MAML2: variants seen among roughly 807,000 people sequenced by gnomAD.
The protein encoded by MAML2 is mastermind-like protein 2.
MAML2 carries 22 observed loss-of-function variants against 96.1 expected under a neutral mutation model. That is an observed-to-expected ratio of 0.23 (90% CI 0.16 to 0.33). The LOEUF (loss-of-function observed/expected upper bound fraction) is 0.33, where lower values mean the gene tolerates loss of function less well. Ranked by LOEUF, MAML2 falls within the 10% of genes least tolerant of loss-of-function variation. The probability of loss-of-function intolerance (pLI) is 1.00; values close to 1 mark genes in which losing one functional copy is unlikely to be tolerated. For missense variants in MAML2, 1,367 were observed against 1,392.4 expected (o/e 0.98, Z 0.29); for synonymous variants, 561 against 521.3 (o/e 1.08, Z -1.04).
chr11:96,023,368 T>C (rs1479900824), intron 2 of MAML2, among the ~76,000 whole-genome samples: 1 of 152,172 alleles, frequency 6.6e-6, no homozygotes. Context: ...CTTTTTCTTA[T>C]ATTAATTCCC....
At chr11:96,329,536 A>G (rs1302060583) in intron 1 of MAML2, among the ~76,000 whole-genome samples, 1 of 152,240 alleles carries the variant, frequency 6.6e-6, no homozygotes, top group Non-Finnish European at 1.5e-5. Flanking sequence ...GTGTCATACC[A>G]AAAGAGGCCT....
chr11:96,025,225 A>G (rs1858497745), intron 2 of MAML2, among the ~76,000 whole-genome samples: 1 of 152,248 alleles, frequency 6.6e-6, no homozygotes, highest in East Asian at 1.9e-4. Context: ...GCCATAAAAA[A>G]GAAAAAAATC....
chr11:96,217,095 G>A (rs1422131515), intron 1 of MAML2, among the ~76,000 whole-genome samples: 5 of 152,172 alleles, frequency 3.3e-5, no homozygotes, highest in Non-Finnish European at 2.9e-5. Context: ...ATGCATAAGC[G>A]CATCCAACAT....
intron 1 of MAML2, among the ~76,000 whole-genome samples, chr11:96,107,152 T>A (rs565389589): frequency 6.6e-6 from 1 of 152,178 alleles, no homozygotes; most frequent in East Asian, 1.9e-4. Context: ...TAACTGTTAT[T>A]ATGTCTTTTG....
chr11:96,033,533 A>G (rs563832962), intron 2 of MAML2, among the ~76,000 whole-genome samples: 2 of 152,338 alleles, frequency 1.3e-5, no homozygotes, highest in African/African-American at 4.8e-5. Flanking sequence ...GGGATTGTGC[A>G]TACCTAATCT....
intron 1 of MAML2, among the ~76,000 whole-genome samples, chr11:96,243,552 A>C (rs889900295): frequency 6.6e-6 from 1 of 152,228 alleles, no homozygotes; most frequent in Non-Finnish European, 1.5e-5. Flanking sequence ...GCCTTTTCTC[A>C]TCAGGCTTAG....
chr11:96,160,251 C>G (rs1216625137), intron 1 of MAML2, among the ~76,000 whole-genome samples: 1 of 152,176 alleles, frequency 6.6e-6, no homozygotes, highest in African/African-American at 2.4e-5. Flanking sequence ...TTCTTCAATG[C>G]ACTCTTCAGG....
intron 1 of MAML2, among the ~76,000 whole-genome samples, chr11:96,239,172 A>G (rs946912772): frequency 6.6e-6 from 1 of 152,250 alleles, no homozygotes; most frequent in African/African-American, 2.4e-5. Flanking sequence ...TCTGGCTGCC[A>G]TAAAGTAAAT....
intron 1 of MAML2, among the ~76,000 whole-genome samples, chr11:96,315,576 A>T (rs1438936204): frequency 1.3e-5 from 2 of 152,066 alleles, no homozygotes; most frequent in African/African-American, 2.4e-5. Flanking sequence ...AGCTTTTTAC[A>T]TTTTTGTGCC....
chr11:96,298,843 C>T (rs2135996640), intron 1 of MAML2, among the ~76,000 whole-genome samples: 1 of 146,276 alleles, frequency 6.8e-6, no homozygotes, highest in South Asian at 2.1e-4. Flanking sequence ...GAGATCGAGA[C>T]CATCCTGGCT....
Position 95,985,092 on chromosome 11 carries a change from C to T in MAML2, c.2455+439G>A, listed in dbSNP as rs946740922. ...AACTAAATCTGCTTTTCAAGTATTC[C>T]TTGGTGGCAGGACCATTTGTCTTTG... is the stretch of plus-strand genomic sequence containing the variant. On this transcript the variant is annotated intron_variant, in intron 4 of 4. Transcript: ENST00000524717. Among the ~76,000 whole-genome samples, 6 of 152,056 alleles carry T rather than the reference C, an allele frequency of 3.9e-5. No homozygotes were observed. In the East Asian group the frequency reaches 1.2e-3, roughly 29 times the overall value.
chr11:96,241,312 G>A (rs1862435167), intron 1 of MAML2, among the ~76,000 whole-genome samples: 1 of 152,182 alleles, frequency 6.6e-6, no homozygotes, highest in African/African-American at 2.4e-5. Context: ...CTTCTGGGAA[G>A]ATCAGTGCAC....
Position 96,093,501 on chromosome 11 carries a change from T to G in MAML2, c.530A>C (p.Lys177Thr). ...SALIALQGSL[K>T]RKQVVNLSPA... ...AGATAGGTTAACTACCTGTTTTCTTTTCAAGGAACCCTGGAGCTGAAAGAC... is the reference window on the plus strand; with the variant it reads ...AGATAGGTTAACTACCTGTTTTCTTGTCAAGGAACCCTGGAGCTGAAAGAC... The change falls in exon 2 of 5, where the codon AAA becomes ACA. Residue 177 changes from lysine (K) to threonine (T), a missense_variant. Lys to Thr is a moderately conservative substitution (Grantham distance 78). Transcript: ENST00000524717. The G allele has an allele frequency of 6.2e-7, 1 of 1,603,324 alleles. No homozygotes were observed. Among genetic ancestry groups the G allele is most frequent in the Non-Finnish European group, 8.5e-7 (1 of 1,175,316 alleles).
At chr11:96,112,346 T>C (rs1391570050) in intron 1 of MAML2, among the ~76,000 whole-genome samples, 1 of 152,256 alleles carries the variant, frequency 6.6e-6, no homozygotes, top group African/African-American at 2.4e-5. Flanking sequence ...TTGTGTGGCA[T>C]GAAGCATGAC....
In MAML2 at chr11:96,172,965, C is replaced by G. The variant is rs146883506; in HGVS notation, c.514-79448G>C. The stretch of plus-strand genomic sequence containing the variant: ...CCAAAGTGCCTTTCAAATGGGCATG[C>G]ACCCTTTTTGCCAGTTGCCATGGAT... On this transcript the variant is annotated intron_variant, in intron 1 of 4. Transcript: ENST00000524717. 7.0e-3 allele frequency among the ~76,000 whole-genome samples: 1,068 copies of G among 152,360 alleles called. 9 individuals are homozygous for G. The highest frequency in any genetic ancestry group is 0.023 in the African/African-American group (971 of 41,578).
chr11:96,243,792 T>C (rs1862473186), intron 1 of MAML2, among the ~76,000 whole-genome samples: 3 of 152,066 alleles, frequency 2.0e-5, no homozygotes, highest in African/African-American at 7.2e-5. Flanking sequence ...TAGCTGGGAC[T>C]ACAGGCGCAC....
intron 1 of MAML2, among the ~76,000 whole-genome samples, chr11:96,333,916 A>G (rs183056754): frequency 2.3e-4 from 35 of 152,320 alleles, no homozygotes; most frequent in Middle Eastern, 6.8e-3. Flanking sequence ...TCATTTACCT[A>G]CTAAGCCCAC....
chr11:96,315,285 T>A (rs1260959394), intron 1 of MAML2, among the ~76,000 whole-genome samples: 3 of 152,228 alleles, frequency 2.0e-5, no homozygotes, highest in African/African-American at 4.8e-5. Context: ...AGTTGTCCTC[T>A]TGTTAACCTT....
At chr11:96,237,796 T>G (rs549497999) in intron 1 of MAML2, among the ~76,000 whole-genome samples, 2 of 152,344 alleles carry the variant, frequency 1.3e-5, no homozygotes, top group East Asian at 3.9e-4. Context: ...TTCCAGAGTT[T>G]ACACCTTGCT....
Sources: allele counts gnomAD v4.1 joint callset (sites outside exome capture counted in the v4.1 genomes callset), GRCh38; gene constraint gnomAD v4.1.1; transcripts MANE v1.5; gene names NCBI Gene and HGNC (gene_info 2026-07-23, HGNC 2026-07-21).